The following XRCC2 variants were observed in gnomAD, a reference collection of about 807,000 sequenced individuals.
The protein encoded by XRCC2 is DNA repair protein XRCC2.
In XRCC2, 24 loss-of-function variants were observed where a neutral mutation model predicts 27.3. The ratio of observed to expected loss-of-function variants is 0.88; its 90% CI spans 0.64 to 1.24. XRCC2 has a LOEUF of 1.24. XRCC2 is among the 50% of genes most tolerant of loss of function. The pLI is 0.00. For synonymous variants in XRCC2, 106 were observed against 115.4 expected (o/e 0.92, Z 0.52); for missense variants, 321 against 325.8 (o/e 0.99, Z 0.11).
intron 2 of XRCC2, among the ~76,000 whole-genome samples, chr7:152,649,781 A>G (rs1489194906): frequency 2.0e-5 from 3 of 152,238 alleles, no homozygotes; most frequent in Admixed American, 6.5e-5. Context: ...ACTATTTTTC[A>G]TAGTCTCCTT....
chr7:152,660,658 T>C (rs761103083), intron 2 of XRCC2, 43 bp downstream of exon 2: 14 of 1,539,430 alleles, frequency 9.1e-6, no homozygotes, highest in Non-Finnish European at 1.2e-5. Context: ...AAAATCCTTT[T>C]ATAAAGATTT....
At position 152,652,148 on chromosome 7, in the gene XRCC2, G is replaced by A. The variant is rs538139662; in HGVS notation, c.122-2785C>T. On this transcript the variant is annotated intron_variant, in intron 2 of 2. Transcript: ENST00000359321. The stretch of plus-strand genomic sequence containing the variant: ...ACTGCACTCTAGCCCAGACAACAGA[G>A]GGAGACCCTGTCTCTAAAAAGAAAA... Among the ~76,000 whole-genome samples, 44 of 150,094 alleles carry A rather than the reference G, an allele frequency of 2.9e-4. No individual in the cohort carries two copies. In the East Asian group the frequency reaches 8.4e-3, roughly 29 times the overall value.
Position 152,660,766 on chromosome 7 carries a change from T to C in XRCC2, c.56A>G (p.Glu19Gly). Residue 19 changes from glutamate (E) to glycine (G), a missense_variant, in exon 2 of 3, where the codon GAA becomes GGA. Physicochemically the swap from Glu to Gly is moderately conservative, Grantham distance 98. Transcript: ENST00000359321. ...TATTTCTTTCAAGGAACTTCTACCTTCAAGTCGGGCAAGGAGCTTATAAAA... is the reference window on the plus strand; with the variant it reads ...TATTTCTTTCAAGGAACTTCTACCTCCAAGTCGGGCAAGGAGCTTATAAAA... Reference protein sequence around the residue: ...ESGTELLARLEGRSSLKEIEP... With the variant: ...ESGTELLARLGGRSSLKEIEP... The C allele has an allele frequency of 6.2e-7, 1 of 1,613,166 alleles. No individual in the cohort carries two copies. The highest frequency in any genetic ancestry group is 1.7e-5 in the Admixed American group (1 of 59,958).
chr7:152,675,572 C>A lies in XRCC2; in HGVS notation c.39+469G>T, dbSNP rs55665235. On this transcript the variant is annotated intron_variant, in intron 1 of 2. Coordinates refer to ENST00000359321, the MANE Select transcript of XRCC2 (RefSeq NM_005431.2). ...GGGCCAGCTGCCCTAAGCAGAGACACGTGGGCTACAGGGAGGTGAGGCAAC... is the reference window on the plus strand; with the variant it reads ...GGGCCAGCTGCCCTAAGCAGAGACAAGTGGGCTACAGGGAGGTGAGGCAAC... Among the ~76,000 whole-genome samples, 953 of 152,184 alleles carry A rather than the reference C, an allele frequency of 6.3e-3. 9 individuals are homozygous for A. Among genetic ancestry groups the A allele is most frequent in the African/African-American group, 0.022 (914 of 41,544 alleles).
At chr7:152,667,398 T>G (rs1441626011) in intron 1 of XRCC2, among the ~76,000 whole-genome samples, 2 of 73,368 alleles carry the variant, frequency 2.7e-5, no homozygotes, top group South Asian at 5.0e-4. Context: ...AGAGCAAAAC[T>G]CCGTCTCAAA....
chr7:152,669,610 C>T (rs2098037347), intron 1 of XRCC2, among the ~76,000 whole-genome samples: 1 of 151,808 alleles, frequency 6.6e-6, no homozygotes, highest in Non-Finnish European at 1.5e-5. Flanking sequence ...ACCATGTTGG[C>T]CAGGCTGGTC....
intron 1 of XRCC2, among the ~76,000 whole-genome samples, chr7:152,662,236 G>C (rs2098033432): frequency 6.6e-6 from 1 of 152,068 alleles, no homozygotes; most frequent in African/African-American, 2.4e-5. Flanking sequence ...AATCTGCTGG[G>C]ATTACAGGCG....
intron 2 of XRCC2, among the ~76,000 whole-genome samples, chr7:152,652,375 A>G (rs1271575188): frequency 1.3e-5 from 2 of 152,002 alleles, no homozygotes; most frequent in East Asian, 3.9e-4. Flanking sequence ...TATGTGATAG[A>G]GAACAAGGGA....
chr7:152,660,488 G>C (rs1320636079), intron 2 of XRCC2, among the ~76,000 whole-genome samples: 1 of 152,146 alleles, frequency 6.6e-6, no homozygotes, highest in Non-Finnish European at 1.5e-5. Context: ...AGAGGTCAAG[G>C]CATATTCTGA....
intron 1 of XRCC2, among the ~76,000 whole-genome samples, chr7:152,672,523 A>G: frequency 6.6e-6 from 1 of 152,204 alleles, no homozygotes; most frequent in East Asian, 1.9e-4. Context: ...CCTTCATTTC[A>G]CAAAAGTACA....
At chr7:152,655,670 C>T (rs1213848921) in intron 2 of XRCC2, among the ~76,000 whole-genome samples, 1 of 152,166 alleles carries the variant, frequency 6.6e-6, no homozygotes, top group African/African-American at 2.4e-5. Context: ...CGTCACGGCG[C>T]CACTGCACTC....
At chr7:152,667,158 G>A (rs2098036123) in intron 1 of XRCC2, among the ~76,000 whole-genome samples, 1 of 151,486 alleles carries the variant, frequency 6.6e-6, no homozygotes, top group East Asian at 2.0e-4. Context: ...TGTAATCCCA[G>A]CACTTTGGGA....
intron 2 of XRCC2, among the ~76,000 whole-genome samples, chr7:152,655,619 G>C (rs138257041): frequency 8.9e-4 from 136 of 152,326 alleles, no homozygotes; most frequent in African/African-American, 3.1e-3. Flanking sequence ...AGAGGTGCGA[G>C]GATCACCTGA....
intron 2 of XRCC2, 50 bp from the exon 3 acceptor site, chr7:152,649,413 G>A (rs767998690): frequency 4.0e-6 from 6 of 1,505,504 alleles, no homozygotes; most frequent in Middle Eastern, 1.8e-4. Context: ...TCAAGGGTAG[G>A]TTACAAAATG....
intron 1 of XRCC2, among the ~76,000 whole-genome samples, chr7:152,665,486 C>CTTTT (rs1563032158): frequency 2.8e-5 from 1 of 35,738 alleles, no homozygotes; most frequent in Non-Finnish European, 5.9e-5. Flanking sequence ...GTAAGACAAA[C>CTTTT]CTTTTTTTTT....
chr7:152,666,649 G>A (rs983504954), intron 1 of XRCC2, among the ~76,000 whole-genome samples: 13 of 146,872 alleles, frequency 8.9e-5, no homozygotes, highest in African/African-American at 7.6e-5. Context: ...ACAGAGTCTC[G>A]CTTTGTCACC....
chr7:152,663,924 T>TCATG (rs925736918), intron 1 of XRCC2: 19 of 150,382 alleles, frequency 1.3e-4, no homozygotes, highest in African/African-American at 3.7e-4. Context: ...GGGCTTTGGG[T>TCATG]CATGCAGTGT....
Position 152,647,833 on chromosome 7 carries a change from G to C in XRCC2, c.*809C>G, listed in dbSNP as rs1400288857. 6.6e-6 allele frequency: 1 copy of C among 152,156 alleles called. No homozygotes were observed. Among genetic ancestry groups the C allele is most frequent in the Non-Finnish European group, 1.5e-5 (1 of 68,036 alleles). 9.4% of individuals were successfully genotyped at this position (152,156 alleles called of 1,614,324 possible). A position where few individuals can be genotyped will look rare whatever the true frequency, so the allele number is the denominator to read the frequency against. ...ATAGTTTGAAGCTGGGTAGCGTGATGCCTCCAGCTTTGTTCTTTTTGCTTA... is the reference window on the plus strand; with the variant it reads ...ATAGTTTGAAGCTGGGTAGCGTGATCCCTCCAGCTTTGTTCTTTTTGCTTA... On this transcript the variant is annotated 3_prime_UTR_variant, in exon 3 of 3. Coordinates refer to ENST00000359321, the MANE Select transcript of XRCC2 (RefSeq NM_005431.2).
Position 152,647,222 on chromosome 7 carries a change from C to T in XRCC2, c.*1420G>A, listed in dbSNP as rs764108356. 2.6e-5 allele frequency: 4 copies of T among 152,166 alleles called. No individual in the cohort carries two copies. Among genetic ancestry groups the T allele is most frequent in the Admixed American group, 2.0e-4 (3 of 15,272 alleles). The allele number at this position is 152,166 out of a possible 1,614,324, so 9.4% of individuals were successfully genotyped here. A position where few individuals can be genotyped will look rare whatever the true frequency, so the allele number is the denominator to read the frequency against. The stretch of plus-strand genomic sequence containing the variant: ...TGTCTTCTTTTGAAAAGTGTCTGTT[C>T]ATGTCCTTTGCCCACTTTTTAATGG... On this transcript the variant is annotated 3_prime_UTR_variant, in exon 3 of 3. Coordinates refer to ENST00000359321, the MANE Select transcript of XRCC2 (RefSeq NM_005431.2).
Sources: gnomAD v4.1 joint callset for allele counts (sites outside exome capture counted in the v4.1 genomes callset) on GRCh38, gnomAD v4.1.1 for gene constraint, MANE v1.5 for transcripts, NCBI Gene and HGNC (gene_info 2026-07-23, HGNC 2026-07-21) for gene names.